DMC1: variants seen among roughly 807,000 people sequenced by gnomAD.
The protein encoded by DMC1 is DNA meiotic recombinase 1.
Under a neutral mutation model 50.1 loss-of-function variants are expected in DMC1, and 27 were observed. The ratio of observed to expected loss-of-function variants is 0.54; its 90% CI spans 0.40 to 0.74. The LOEUF (loss-of-function observed/expected upper bound fraction) is 0.74. Among genes scored for constraint, DMC1 ranks in the 30% least tolerant of loss-of-function variants. DMC1 has a pLI of 0.00. For missense variants in DMC1, 295 were observed against 420.2 expected (o/e 0.70, Z 2.60); for synonymous variants, 148 against 136.1 (o/e 1.09, Z -0.61).
chr22:38,567,124 T>C (rs1477835643), intron 3 of DMC1, among the ~76,000 whole-genome samples: 2 of 152,154 alleles, frequency 1.3e-5, no homozygotes, highest in South Asian at 2.1e-4. Flanking sequence ...ATTTTTTTTT[T>C]CCTCTGCCCC....
intron 5 of DMC1, among the ~76,000 whole-genome samples, chr22:38,558,517 C>G (rs1457964052): frequency 2.0e-5 from 3 of 151,982 alleles, no homozygotes; most frequent in Non-Finnish European, 4.4e-5. Context: ...GAGTTCGAGG[C>G]CAGCCTGGCC....
chr22:38,561,128 C>T (rs2090523286), intron 5 of DMC1, among the ~76,000 whole-genome samples: 2 of 151,986 alleles, frequency 1.3e-5, no homozygotes, highest in Admixed American at 1.3e-4. Context: ...CTCACTCAGA[C>T]TGCTGAGTAG....
chr22:38,537,508 G>A lies in DMC1; in HGVS notation c.836+84C>T, dbSNP rs537037977. The A allele has an allele frequency of 1.4e-4, 185 of 1,323,438 alleles. 2 individuals are homozygous for A. The highest frequency in any genetic ancestry group is 5.8e-5 in the African/African-American group (4 of 69,274). 82.0% of individuals were successfully genotyped at this position (1,323,438 alleles called of 1,614,324 possible). On this transcript the variant is annotated intron_variant, in intron 12 of 13. Transcript: ENST00000216024. ...ATTACAGGCGTGAGCCACCGTGCCC[G>A]GCCTTGAAATTATTTTCTATTCTAC... is the stretch of plus-strand genomic sequence containing the variant.
In DMC1 at chr22:38,537,916, G is replaced by A. The variant is rs980053347; in HGVS notation, c.776-264C>T. 7.9e-5 allele frequency among the ~76,000 whole-genome samples: 12 copies of A among 152,000 alleles called. No homozygotes were observed. The South Asian group carries it at 1.0e-3, about 13-fold the overall frequency. On this transcript the variant is annotated intron_variant, in intron 11 of 13. Transcript: ENST00000216024. The stretch of plus-strand genomic sequence containing the variant: ...TCCCAGCACTTTGGGAGGCTGAGGC[G>A]GACAGATCACGAGGTCAGGAGCTCG...
rs565024917 is a variant in DMC1 at position 38,550,591 on chromosome 22, C to T, written c.422-594G>A. On this transcript the variant is annotated intron_variant, in intron 7 of 13. Transcript: ENST00000216024. ...CCTCCCAAAGTGCTGGGATTACAGG[C>T]TTGAGCCACCGCGCCCAACCTACTA... 2.9e-3 allele frequency among the ~76,000 whole-genome samples: 427 copies of T among 149,446 alleles called. 1 individual carries two copies. Among genetic ancestry groups the T allele is most frequent in the Middle Eastern group, 0.021 (6 of 292 alleles).
At chr22:38,510,617 C>T in the DMC1 span, among the ~76,000 whole-genome samples, 4 of 152,178 alleles carry the variant, frequency 2.6e-5, no homozygotes, top group Admixed American at 2.0e-4. Flanking sequence ...AATGTAGCTG[C>T]GTGAGTGAGC....
downstream of DMC1, among the ~76,000 whole-genome samples, chr22:38,515,194 G>A (rs993046679): frequency 1.7e-4 from 25 of 150,724 alleles, no homozygotes; most frequent in Non-Finnish European, 3.3e-4. Flanking sequence ...GAAAGTAGCC[G>A]GGGCCAGGTG....
intron 8 of DMC1, among the ~76,000 whole-genome samples, chr22:38,540,253 C>T (rs943883516): frequency 2.6e-5 from 4 of 152,064 alleles, no homozygotes; most frequent in Admixed American, 1.3e-4. Flanking sequence ...ACCATGTTGG[C>T]CAGGCTGGTT....
chr22:38,552,383 G>A (rs1305404437), intron 7 of DMC1, among the ~76,000 whole-genome samples: 1 of 152,142 alleles, frequency 6.6e-6, no homozygotes, highest in East Asian at 1.9e-4. Flanking sequence ...AAGATGGAAT[G>A]GGAAAAACTG....
At chr22:38,511,686 T>G in the DMC1 span, among the ~76,000 whole-genome samples, 1 of 151,000 alleles carries the variant, frequency 6.6e-6, no homozygotes, top group Non-Finnish European at 1.5e-5. Flanking sequence ...ACTGCCATCT[T>G]GAACTCCTAG....
chr22:38,544,544 G>A (rs2090320760), intron 8 of DMC1, among the ~76,000 whole-genome samples: 2 of 152,092 alleles, frequency 1.3e-5, no homozygotes, highest in South Asian at 2.1e-4. Flanking sequence ...GAACCAAGCT[G>A]TGCCCCAACC....
intron 12 of DMC1, 141 bp downstream of exon 12, chr22:38,537,451 A>G: frequency 2.8e-6 from 2 of 722,612 alleles, no homozygotes; most frequent in Non-Finnish European, 4.9e-6. Flanking sequence ...TGACCTCGTG[A>G]TCCGCCTGCC....
intron 4 of DMC1, among the ~76,000 whole-genome samples, chr22:38,566,188 C>T (rs1271216589): frequency 1.3e-5 from 2 of 151,050 alleles, no homozygotes; most frequent in African/African-American, 4.9e-5. Context: ...GCAGGAGACT[C>T]GCTTGAACCC....
intron 9 of DMC1, among the ~76,000 whole-genome samples, chr22:38,538,941 T>C (rs2090249228): frequency 6.6e-6 from 1 of 150,690 alleles, no homozygotes; most frequent in South Asian, 2.1e-4. Flanking sequence ...GAGGCTGAGG[T>C]AGGAGAATCA....
chr22:38,566,031 C>A (rs1476843595), intron 4 of DMC1, among the ~76,000 whole-genome samples: 1 of 152,100 alleles, frequency 6.6e-6, no homozygotes, highest in East Asian at 1.9e-4. Flanking sequence ...AATCCCAGCA[C>A]TTTGGGAGGC....
At chr22:38,569,777 AC>A (rs1265722366) in intron 1 of DMC1, among the ~76,000 whole-genome samples, 1 of 152,058 alleles carries the variant, frequency 6.6e-6, no homozygotes, top group Non-Finnish European at 1.5e-5. Context: ...GCCTGGGCAG[AC>A]CCCCTGCGGC....
intron 5 of DMC1, among the ~76,000 whole-genome samples, chr22:38,562,057 G>A (rs2090532871): frequency 6.6e-6 from 1 of 152,106 alleles, no homozygotes; most frequent in Non-Finnish European, 1.5e-5. Context: ...AATATTGGCT[G>A]ATTCAGAAAC....
At chr22:38,509,818 C>T in the DMC1 span, among the ~76,000 whole-genome samples, 1 of 151,948 alleles carries the variant, frequency 6.6e-6, no homozygotes, top group East Asian at 1.9e-4. Context: ...TACAAGCATG[C>T]GACATGACGC....
intron 12 of DMC1, among the ~76,000 whole-genome samples, chr22:38,535,619 T>G (rs570444195): frequency 1.3e-5 from 2 of 152,004 alleles, no homozygotes; most frequent in Admixed American, 1.3e-4. Context: ...TTTTTTTTTT[T>G]GTTTTTGAGA....
Sources: gnomAD v4.1 joint callset for allele counts (sites outside exome capture counted in the v4.1 genomes callset) on GRCh38, gnomAD v4.1.1 for gene constraint, MANE v1.5 for transcripts, NCBI Gene and HGNC (gene_info 2026-07-23, HGNC 2026-07-21) for gene names.